RAB3IP: variants seen among roughly 807,000 people sequenced by gnomAD.
RAB3IP encodes RAB3A interacting protein.
A neutral mutation model predicts 59.1 loss-of-function variants in RAB3IP; 36 were observed. The ratio of observed to expected loss-of-function variants is 0.61; its 90% CI spans 0.47 to 0.80. The LOEUF is 0.80. RAB3IP is among the 30% of genes least tolerant of loss of function. RAB3IP has a pLI of 0.00. For missense variants in RAB3IP, 511 were observed against 536.0 expected, an observed-to-expected ratio of 0.95 and a Z score of 0.46; for synonymous variants, 207 against 191.2, an observed-to-expected ratio of 1.08 and a Z score of -0.68.
At chr12:69,806,390 C>T (rs767156895) in intron 8 of RAB3IP, among the ~76,000 whole-genome samples, 11 of 151,820 alleles carry the variant, frequency 7.2e-5, no homozygotes, top group Non-Finnish European at 1.0e-4. Context: ...TCTCTCTTTT[C>T]TTCTTTATTA....
chr12:69,803,539 C>T (rs2136253930), intron 8 of RAB3IP, among the ~76,000 whole-genome samples: 1 of 151,736 alleles, frequency 6.6e-6, no homozygotes. Flanking sequence ...GGTACATGTG[C>T]ACAACATGCA....
chr12:69,787,442 C>T (rs1026735126), intron 4 of RAB3IP, among the ~76,000 whole-genome samples: 1 of 152,056 alleles, frequency 6.6e-6, no homozygotes, highest in Non-Finnish European at 1.5e-5. Flanking sequence ...TACTATGATG[C>T]ATATAGGGCA....
intron 3 of RAB3IP, among the ~76,000 whole-genome samples, chr12:69,768,382 A>G (rs1037037007): frequency 4.6e-5 from 7 of 152,214 alleles, no homozygotes. Context: ...ATCTATGTCC[A>G]TGACGGGTGA....
At chr12:69,743,375 A>G (rs2136095766) in intron 1 of RAB3IP, among the ~76,000 whole-genome samples, 1 of 152,326 alleles carries the variant, frequency 6.6e-6, no homozygotes, top group Middle Eastern at 3.4e-3. Flanking sequence ...CATAAAGACT[A>G]GTTTTCCCTT....
chr12:69,764,051 A>G (rs1159172309), intron 3 of RAB3IP, among the ~76,000 whole-genome samples: 1 of 152,154 alleles, frequency 6.6e-6, no homozygotes, highest in Non-Finnish European at 1.5e-5. Context: ...GCTATTGTGC[A>G]TAGTGCTGGG....
chr12:69,802,210 TGAGG>T (rs1878499020), intron 8 of RAB3IP, among the ~76,000 whole-genome samples: 1 of 152,008 alleles, frequency 6.6e-6, no homozygotes, highest in Admixed American at 6.6e-5. Context: ...TACTTCTCTC[TGAGG>T]GTGACCATCA....
In RAB3IP at chr12:69,822,734, T is replaced by A. The variant is rs2136307049; in HGVS notation, c.*7288T>A. 1 of 152,328 alleles carries A rather than the reference T, an allele frequency of 6.6e-6. No homozygotes were observed. Among genetic ancestry groups the A allele is most frequent in the East Asian group, 1.9e-4 (1 of 5,192 alleles). 9.4% of individuals were successfully genotyped at this position (152,328 alleles called of 1,614,324 possible). A position where few individuals can be genotyped will look rare whatever the true frequency, so the allele number is the denominator to read the frequency against. Reference sequence around the variant, plus strand: ...TGATGGATACCCCAATTACCCTGATTTGATCATTATACGTTGTATGTTTGT... The same window carrying A: ...TGATGGATACCCCAATTACCCTGATATGATCATTATACGTTGTATGTTTGT... On this transcript the variant is annotated 3_prime_UTR_variant, in exon 11 of 11. Transcript: ENST00000247833.
chr12:69,801,504 G>A, intron 7 of RAB3IP, 105 bp from the exon 8 acceptor site: 1 of 574,204 alleles, frequency 1.7e-6, no homozygotes, highest in Non-Finnish European at 2.8e-6. Context: ...AGCCAAGCTA[G>A]TGGAACTTTG....
chr12:69,809,776 T>C (rs1880107385), intron 8 of RAB3IP, among the ~76,000 whole-genome samples: 1 of 152,202 alleles, frequency 6.6e-6, no homozygotes, highest in Non-Finnish European at 1.5e-5. Flanking sequence ...CTTCTCTGCA[T>C]GGGTTATTCT....
chr12:69,771,807 T>C (rs1020577352), intron 3 of RAB3IP, among the ~76,000 whole-genome samples: 1 of 152,214 alleles, frequency 6.6e-6, no homozygotes, highest in African/African-American at 2.4e-5. Context: ...CAGTGTTTGT[T>C]ATTTTTCATC....
At chr12:69,803,911 G>A (rs1878805901) in intron 8 of RAB3IP, among the ~76,000 whole-genome samples, 1 of 152,142 alleles carries the variant, frequency 6.6e-6, no homozygotes, top group Non-Finnish European at 1.5e-5. Context: ...TTGGACATTT[G>A]GGTTGGTTCC....
chr12:69,796,495 T>C, intron 6 of RAB3IP: 2 of 437,552 alleles, frequency 4.6e-6, no homozygotes, highest in South Asian at 6.1e-5. Flanking sequence ...TTTTACATTG[T>C]TAAATTCAAG....
intron 3 of RAB3IP, among the ~76,000 whole-genome samples, chr12:69,769,324 A>G (rs923182054): frequency 1.3e-5 from 2 of 152,148 alleles, no homozygotes; most frequent in South Asian, 2.1e-4. Context: ...TCTTTCCTTC[A>G]TAGCATCTCC....
rs562791910 is a variant in RAB3IP at position 69,812,875 on chromosome 12, A to G, written c.1228A>G (p.Arg410Gly). Residue 410 changes from arginine (R) to glycine (G), a missense_variant and splice_region_variant, in exon 9 of 11, where the codon AGG becomes GGG. Coordinates refer to ENST00000247833, the MANE Select transcript of RAB3IP (RefSeq NM_022456.5). The stretch of plus-strand genomic sequence containing the variant: ...TTATATTTCTCCTTTTTGCAGATAC[A>G]GGGTAAGTGACTTAACCATGAATTT... ...YYYISPFCRY[R>G]ITSVCNFFTY... 6.2e-7 allele frequency: 1 copy of G among 1,607,668 alleles called. No individual in the cohort carries two copies. The highest frequency in any genetic ancestry group is 1.1e-5 in the South Asian group (1 of 90,942).
At chr12:69,747,293 C>CGTGTGT (rs111438084) in intron 1 of RAB3IP, among the ~76,000 whole-genome samples, 212 of 137,774 alleles carry the variant, frequency 1.5e-3, no homozygotes, top group African/African-American at 4.1e-3. Flanking sequence ...CTTGCCCTTT[C>CGTGTGT]GTGTGTGTGT....
chr12:69,788,256 A>G (rs886976465), intron 4 of RAB3IP, among the ~76,000 whole-genome samples: 1 of 152,080 alleles, frequency 6.6e-6, no homozygotes, highest in African/African-American at 2.4e-5. Flanking sequence ...TCGGTAGAAT[A>G]TACTTACACA....
chr12:69,748,826 C>A (rs1312683184), intron 1 of RAB3IP, among the ~76,000 whole-genome samples: 1 of 152,074 alleles, frequency 6.6e-6, no homozygotes, highest in African/African-American at 2.4e-5. Flanking sequence ...TGAAATAAAT[C>A]TTAAAGCTTC....
chr12:69,802,265 C>T (rs1414902521), intron 8 of RAB3IP, among the ~76,000 whole-genome samples: 4 of 151,972 alleles, frequency 2.6e-5, no homozygotes, highest in South Asian at 2.1e-4. Flanking sequence ...TAAGTCTTAT[C>T]GATCATGAAA....
rs1234510143 is a variant in RAB3IP at position 69,816,977 on chromosome 12, C to G, written c.*1531C>G. The stretch of plus-strand genomic sequence containing the variant: ...ATTGAACCTGAAAAAAACTTTGAAC[C>G]TACAATTTTATGTTCTGAAAATAGT... On this transcript the variant is annotated 3_prime_UTR_variant, in exon 11 of 11. Transcript: ENST00000247833. 1 of 152,120 alleles carries G rather than the reference C, an allele frequency of 6.6e-6. No homozygotes were observed. The highest frequency in any genetic ancestry group is 1.5e-5 in the Non-Finnish European group (1 of 68,018). 9.4% of individuals were successfully genotyped at this position (152,120 alleles called of 1,614,324 possible). A position where few individuals can be genotyped will look rare whatever the true frequency, so the allele number is the denominator to read the frequency against.
Sources: allele counts gnomAD v4.1 joint callset (sites outside exome capture counted in the v4.1 genomes callset), GRCh38; gene constraint gnomAD v4.1.1; transcripts MANE v1.5; gene names NCBI Gene and HGNC (gene_info 2026-07-23, HGNC 2026-07-21).